Variants in NDST4 observed in about 807,000 individuals in gnomAD.
NDST4 encodes the protein N-deacetylase and N-sulfotransferase 4, also known as N-heparan sulfate sulfotransferase 4.
Under a neutral mutation model 100.8 loss-of-function variants are expected in NDST4, and 63 were observed. That is an observed-to-expected ratio of 0.62 (90% CI 0.51 to 0.77). The LOEUF (loss-of-function observed/expected upper bound fraction) is 0.77. Ranked by LOEUF, NDST4 falls within the 30% of genes least tolerant of loss-of-function variation. The pLI is 0.00. For synonymous variants in NDST4, 377 were observed against 361.8 expected (o/e 1.04, Z -0.48); for missense variants, 943 against 1,018.4 (o/e 0.93, Z 1.01).
chr4:114,987,087 G>T (rs1354898262), intron 2 of NDST4, among the ~76,000 whole-genome samples: 1 of 151,794 alleles, frequency 6.6e-6, no homozygotes, highest in Non-Finnish European at 1.5e-5. Context: ...TTTGAAAATA[G>T]CGGAATGAAT....
At chr4:114,833,746 G>T in intron 11 of NDST4, 31 bp from the exon 12 acceptor site, 1 of 1,431,914 alleles carries the variant, frequency 7.0e-7, no homozygotes. Context: ...ACTTTATGAA[G>T]AAAAAAATTA....
chr4:114,919,568 T>C (rs1443394008), intron 6 of NDST4, among the ~76,000 whole-genome samples: 1 of 152,150 alleles, frequency 6.6e-6, no homozygotes, highest in Non-Finnish European at 1.5e-5. Context: ...GGTGTGGTTA[T>C]AGTGTAGTAA....
chr4:114,884,453 A>G (rs559000349), intron 6 of NDST4, among the ~76,000 whole-genome samples: 1 of 152,278 alleles, frequency 6.6e-6, no homozygotes, highest in South Asian at 2.1e-4. Flanking sequence ...CCCTTACTTT[A>G]GAGGAAGTAG....
At chr4:115,030,264 A>G (rs958964315) in intron 2 of NDST4, among the ~76,000 whole-genome samples, 2 of 152,172 alleles carry the variant, frequency 1.3e-5, no homozygotes, top group African/African-American at 4.8e-5. Flanking sequence ...AACACAAATT[A>G]CAACATAAAA....
intron 4 of NDST4, among the ~76,000 whole-genome samples, chr4:114,965,491 AAT>A (rs1165998028): frequency 2.0e-5 from 3 of 152,034 alleles, no homozygotes; most frequent in Non-Finnish European, 4.4e-5. Context: ...AGATTTCATA[AAT>A]ATGTGTAGCT....
intron 1 of NDST4, among the ~76,000 whole-genome samples, chr4:115,098,972 T>G (rs529701668): frequency 6.6e-6 from 1 of 152,288 alleles, no homozygotes; most frequent in South Asian, 2.1e-4. Flanking sequence ...CGTCCCAAAA[T>G]GATGGGATTA....
chr4:115,005,469 G>C (rs1341785031), intron 2 of NDST4, among the ~76,000 whole-genome samples: 1 of 152,110 alleles, frequency 6.6e-6, no homozygotes, highest in East Asian at 1.9e-4. Context: ...CAATATCTTG[G>C]GAAGAAAGCA....
chr4:115,093,336 G>GTGGTGGCGGGTGCCTGTAGTCCC (rs1265101412), intron 1 of NDST4, among the ~76,000 whole-genome samples: 4 of 151,960 alleles, frequency 2.6e-5, no homozygotes, highest in African/African-American at 7.2e-5. Context: ...TTAGCTGGGC[G>GTGGTGGCGGGTGCCTGTAGTCCC]TGGTGGCGGG....
At chr4:115,007,922 T>A (rs1412045892) in intron 2 of NDST4, among the ~76,000 whole-genome samples, 1 of 129,668 alleles carries the variant, frequency 7.7e-6, no homozygotes, top group Non-Finnish European at 1.7e-5. Context: ...TCCTGAGTTG[T>A]CCTTGGAATT....
chr4:114,855,296 C>T (rs551348154), intron 7 of NDST4, among the ~76,000 whole-genome samples: 1 of 146,176 alleles, frequency 6.8e-6, no homozygotes, highest in South Asian at 2.1e-4. Flanking sequence ...TCCCATTTGC[C>T]CATTTTTGCT....
intron 7 of NDST4, among the ~76,000 whole-genome samples, chr4:114,867,664 G>GAAAAAAAAAAAAAAAAAAAAAAAAAAA (rs1491405935): frequency 6.9e-4 from 18 of 26,092 alleles, no homozygotes; most frequent in Non-Finnish European, 1.2e-3. Context: ...AAAAAAAAAA[G>GAAAAAAAAAAAAAAAAAAAAAAAAAAA]CAAAAAAAAA....
At chr4:114,865,592 T>C (rs1224766835) in intron 7 of NDST4, among the ~76,000 whole-genome samples, 1 of 152,246 alleles carries the variant, frequency 6.6e-6, no homozygotes, top group Non-Finnish European at 1.5e-5. Context: ...AGTTTCCTTT[T>C]TCATTATTAT....
At position 114,827,938 on chromosome 4, in the gene NDST4, G is replaced by A; in HGVS notation, c.2500-3C>T. 2.5e-6 allele frequency: 4 copies of A among 1,574,668 alleles called. No individual in the cohort carries two copies. Among genetic ancestry groups the A allele is most frequent in the African/African-American group, 1.4e-5 (1 of 71,940 alleles). Reference sequence around the variant, plus strand: ...TAATTAGAGAGGAACGTTCTAGACTGGAAAGAAAAAAAGAAGAACTTGAAA... The same window carrying A: ...TAATTAGAGAGGAACGTTCTAGACTAGAAAGAAAAAAAGAAGAACTTGAAA... On this transcript the variant is annotated splice_region_variant and splice_polypyrimidine_tract_variant and intron_variant, in intron 13 of 13. Coordinates refer to ENST00000264363, the MANE Select transcript of NDST4 (RefSeq NM_022569.3).
chr4:114,926,671 G>A (rs182392132), intron 6 of NDST4, among the ~76,000 whole-genome samples: 169 of 152,200 alleles, frequency 1.1e-3, no homozygotes, highest in African/African-American at 3.9e-3. Context: ...CTCAAACTGA[G>A]TGCTGAAGAA....
intron 12 of NDST4, among the ~76,000 whole-genome samples, chr4:114,831,894 A>G (rs1723208759): frequency 6.6e-6 from 1 of 152,182 alleles, no homozygotes; most frequent in Non-Finnish European, 1.5e-5. Flanking sequence ...TGAAATTAAG[A>G]TGCAAAGCCT....
chr4:114,953,307 C>T (rs1726063894), intron 4 of NDST4, among the ~76,000 whole-genome samples: 1 of 152,068 alleles, frequency 6.6e-6, no homozygotes, highest in African/African-American at 2.4e-5. Context: ...TTAGAAGTAT[C>T]AGGAGCTTTG....
chr4:115,061,333 C>T (rs536447333), intron 2 of NDST4, among the ~76,000 whole-genome samples: 3 of 152,180 alleles, frequency 2.0e-5, no homozygotes, highest in Non-Finnish European at 4.4e-5. Flanking sequence ...CATATGTTCA[C>T]TGCAGCACTA....
chr4:114,947,906 C>G (rs1013348109), intron 4 of NDST4, among the ~76,000 whole-genome samples: 1 of 151,892 alleles, frequency 6.6e-6, no homozygotes, highest in Non-Finnish European at 1.5e-5. Flanking sequence ...ATGGGATAGC[C>G]GGGGATGCCT....
chr4:115,083,755 C>T (rs368930424), intron 1 of NDST4, among the ~76,000 whole-genome samples: 2 of 152,064 alleles, frequency 1.3e-5, no homozygotes, highest in South Asian at 2.1e-4. Context: ...GAGCTTCCCC[C>T]CTTTGTTCAG....
Sources: gnomAD v4.1 joint callset for allele counts (sites outside exome capture counted in the v4.1 genomes callset) on GRCh38, gnomAD v4.1.1 for gene constraint, MANE v1.5 for transcripts, NCBI Gene and HGNC (gene_info 2026-07-23, HGNC 2026-07-21) for gene names.